The following LY9 variants were observed in gnomAD, a reference collection of about 807,000 sequenced individuals.
LY9 encodes the protein lymphocyte antigen 9, also known as T-lymphocyte surface antigen Ly-9.
A neutral mutation model predicts 64.6 loss-of-function variants in LY9; 59 were observed. That is an observed-to-expected ratio of 0.91 (90% CI 0.74 to 1.13). The LOEUF (loss-of-function observed/expected upper bound fraction) is 1.13, where lower values mean the gene tolerates loss of function less well. Ranked by LOEUF, LY9 falls within the 50% of genes most tolerant of loss-of-function variation. LY9 has a pLI of 0.00. For missense variants in LY9, 789 were observed against 797.2 expected, an observed-to-expected ratio of 0.99 and a Z score of 0.12; for synonymous variants, 281 against 308.5, an observed-to-expected ratio of 0.91 and a Z score of 0.93.
intron 2 of LY9, chr1:160,802,408 CA>C (rs1176018004): frequency 7.1e-6 from 7 of 986,396 alleles, no homozygotes; most frequent in Non-Finnish European, 8.4e-6. Flanking sequence ...CGTGGGAGGT[CA>C]CCGGCCACTC....
At position 160,816,616 on chromosome 1, in the gene LY9, C is replaced by T. The variant is rs1473745994; in HGVS notation, c.1095C>T (p.Ile365=). 1 of 1,607,962 alleles carries T rather than the reference C, an allele frequency of 6.2e-7. No individual in the cohort carries two copies. Among genetic ancestry groups the T allele is most frequent in the Admixed American group, 1.7e-5 (1 of 59,012 alleles). The stretch of plus-strand genomic sequence containing the variant: ...CAGGCAGGCTGAGGAAGCCCAAAAT[C>T]ACGTGGAGCCTCAGGCACAGTGAGG... ...LIYRRLRKPK[I]TWSLRHSEDG... is the part of the protein sequence containing the mutation. The change falls in exon 5 of 10, where the codon ATC becomes ATT. Residue 365 remains isoleucine, a synonymous_variant. Coordinates refer to ENST00000263285, the MANE Select transcript of LY9 (RefSeq NM_002348.4).
chr1:160,825,460 G>A (rs930763295), intron 9 of LY9, among the ~76,000 whole-genome samples: 14 of 152,098 alleles, frequency 9.2e-5, no homozygotes, highest in African/African-American at 3.4e-4. Context: ...GAACCATGAG[G>A]CGTTTTAAGA....
intron 1 of LY9, among the ~76,000 whole-genome samples, chr1:160,798,447 AG>A (rs1282067351): frequency 2.0e-5 from 3 of 152,226 alleles, no homozygotes; most frequent in Non-Finnish European, 4.4e-5. Context: ...ATTTACATAA[AG>A]TACCTAATGC....
At chr1:160,820,782 C>T (rs1668362229) in intron 7 of LY9, among the ~76,000 whole-genome samples, 1 of 152,172 alleles carries the variant, frequency 6.6e-6, no homozygotes, top group Non-Finnish European at 1.5e-5. Context: ...TCTCCTCTTC[C>T]CTAGATCCAC....
chr1:160,797,465 A>T (rs151147838), intron 1 of LY9, among the ~76,000 whole-genome samples: 1 of 152,328 alleles, frequency 6.6e-6, no homozygotes, highest in East Asian at 1.9e-4. Flanking sequence ...AAGGCTGTTT[A>T]TGTTTACCTC....
chr1:160,827,357 G>A (rs949221979), intron 9 of LY9, among the ~76,000 whole-genome samples: 1 of 152,188 alleles, frequency 6.6e-6, no homozygotes, highest in African/African-American at 2.4e-5. Flanking sequence ...TAATGGTCTG[G>A]ACCATTACTT....
chr1:160,819,436 G>C, intron 7 of LY9, 62 bp downstream of exon 7: 1 of 1,427,976 alleles, frequency 7.0e-7, no homozygotes, highest in Non-Finnish European at 9.9e-7. Context: ...CTAAAGTCTT[G>C]CTGCTCAAAG....
chr1:160,802,287 T>C, intron 2 of LY9: 1 of 1,004,600 alleles, frequency 1.0e-6, no homozygotes, highest in African/African-American at 1.7e-5. Flanking sequence ...TCGGGCAGCA[T>C]GCGGGTCCCG....
chr1:160,828,194 C>CACAAGATG lies in LY9; in HGVS notation c.*379_*386dup. On this transcript the variant is annotated 3_prime_UTR_variant, in exon 10 of 10. Coordinates refer to ENST00000263285, the MANE Select transcript of LY9 (RefSeq NM_002348.4). ...AACCCAAGAGAATTGTCACACATGA[C>CACAAGATG]ACAAGATGTACATAATATCATGCTC... The CACAAGATG allele has an allele frequency of 6.3e-6, 1 of 159,628 alleles. No homozygotes were observed. The highest frequency in any genetic ancestry group is 1.8e-4 in the East Asian group (1 of 5,658). 9.9% of individuals were successfully genotyped at this position (159,628 alleles called of 1,614,324 possible).
rs114455605 is a variant in LY9 at position 160,808,028 on chromosome 1, G to A, written c.455-5608G>A. Among the ~76,000 whole-genome samples, 104 of 152,274 alleles carry A rather than the reference G, an allele frequency of 6.8e-4. 1 individual carries two copies. Among genetic ancestry groups the A allele is most frequent in the African/African-American group, 2.4e-3 (98 of 41,538 alleles). On this transcript the variant is annotated intron_variant, in intron 2 of 9. Transcript: ENST00000263285. ...GTGAGGCCCTGCCACTGGAGAAGGTGAGGCCAGGTTCAGTGGCCACAGCCT... is the reference window on the plus strand; with the variant it reads ...GTGAGGCCCTGCCACTGGAGAAGGTAAGGCCAGGTTCAGTGGCCACAGCCT...
intron 6 of LY9, among the ~76,000 whole-genome samples, chr1:160,818,800 C>T (rs546340341): frequency 6.6e-6 from 1 of 152,230 alleles, no homozygotes; most frequent in African/African-American, 2.4e-5. Flanking sequence ...AGCTCCGACA[C>T]CAGACAGGGA....
intron 2 of LY9, chr1:160,811,584 A>G (rs1667478221): frequency 6.6e-6 from 1 of 152,196 alleles, no homozygotes; most frequent in Admixed American, 6.5e-5. Context: ...TCCACAGCTA[A>G]GTACCCAAAT....
chr1:160,800,102 T>A lies in LY9; in HGVS notation c.454+20T>A. ...TCTATGGTGAGTTCCAGAGAGCTTC[T>A]GTGTTTTGATCTTTTCTTTTTTTTA... On this transcript the variant is annotated intron_variant, in intron 2 of 9. Coordinates refer to ENST00000263285, the MANE Select transcript of LY9 (RefSeq NM_002348.4). 1 of 1,571,854 alleles carries A rather than the reference T, an allele frequency of 6.4e-7. No homozygotes were observed.
At chr1:160,826,897 C>T (rs1263338146) in intron 9 of LY9, among the ~76,000 whole-genome samples, 3 of 152,242 alleles carry the variant, frequency 2.0e-5, no homozygotes, top group South Asian at 2.1e-4. Flanking sequence ...GGGTCAATAC[C>T]GGTCAAACTT....
chr1:160,818,396 C>A, intron 6 of LY9, 77 bp downstream of exon 6: 2 of 1,074,104 alleles, frequency 1.9e-6, no homozygotes, highest in Non-Finnish European at 2.9e-6. Context: ...TCTGCCCTCA[C>A]ACAATCCCGT....
intron 2 of LY9, chr1:160,802,046 A>G (rs567704894): frequency 8.4e-4 from 1,200 of 1,430,228 alleles, no homozygotes; most frequent in Middle Eastern, 1.2e-3. Context: ...AGGCTGCTAG[A>G]CGTGGGCGTT....
At chr1:160,805,208 CT>C (rs1245849927) in intron 2 of LY9, among the ~76,000 whole-genome samples, 1 of 151,580 alleles carries the variant, frequency 6.6e-6, no homozygotes, top group Non-Finnish European at 1.5e-5. Flanking sequence ...AATTTGTGAT[CT>C]TTATACATTT....
At chr1:160,824,117 T>C in intron 8 of LY9, 64 bp from the exon 9 acceptor site, 1 of 1,602,914 alleles carries the variant, frequency 6.2e-7, no homozygotes, top group Non-Finnish European at 8.5e-7. Context: ...CCTCAAGGGT[T>C]GAGGGTAAAA....
chr1:160,802,105 G>A lies in LY9; in HGVS notation c.454+2023G>A, dbSNP rs999708753. On this transcript the variant is annotated intron_variant, in intron 2 of 9. Transcript: ENST00000263285. Reference sequence around the variant, plus strand: ...CCTCCCATGGCACGTCGGGAACACCGGAGCCGCCAACTTGGAGACTCCTGG... The same window carrying A: ...CCTCCCATGGCACGTCGGGAACACCAGAGCCGCCAACTTGGAGACTCCTGG... 8 of 1,376,858 alleles carry A rather than the reference G, an allele frequency of 5.8e-6. No individual in the cohort carries two copies. In the African/African-American group the frequency reaches 7.4e-5, roughly 13 times the overall value. 85.3% of individuals were successfully genotyped at this position (1,376,858 alleles called of 1,614,324 possible).
Sources: gnomAD v4.1 joint callset for allele counts (sites outside exome capture counted in the v4.1 genomes callset) on GRCh38, gnomAD v4.1.1 for gene constraint, MANE v1.5 for transcripts, NCBI Gene and HGNC (gene_info 2026-07-23, HGNC 2026-07-21) for gene names.